Variants in MYO9B observed in about 807,000 individuals in gnomAD.
MYO9B encodes myosin IXB.
A neutral mutation model predicts 229.5 loss-of-function variants in MYO9B; 71 were observed. The observed-to-expected ratio is 0.31, with a 90% confidence interval of 0.26 to 0.38. The LOEUF (loss-of-function observed/expected upper bound fraction) is 0.38. Ranked by LOEUF, MYO9B falls within the 10% of genes least tolerant of loss-of-function variation. The pLI is 1.00. For synonymous variants in MYO9B, 1,185 were observed against 1,235.8 expected, an observed-to-expected ratio of 0.96 and a Z score of 0.86; for missense variants, 2,255 against 2,920.5, an observed-to-expected ratio of 0.77 and a Z score of 5.25.
intron 2 of MYO9B, among the ~76,000 whole-genome samples, chr19:17,114,630 T>TG (rs2057882920): frequency 6.6e-6 from 1 of 152,166 alleles, no homozygotes; most frequent in Non-Finnish European, 1.5e-5. Context: ...TGCTCCCTGC[T>TG]GGGGTTTTTT....
In MYO9B at chr19:17,168,130, C is replaced by T. The variant is rs537601378; in HGVS notation, c.1793+66C>T. On this transcript the variant is annotated intron_variant, in intron 11 of 39. Coordinates refer to ENST00000682292, the MANE Select transcript of MYO9B (RefSeq NM_004145.4). ...TGGGCACTGGGTCAGGTTCTGCAGCCCCCAGAGCCTTACCCCAAATCCAGA... is the reference window on the plus strand; with the variant it reads ...TGGGCACTGGGTCAGGTTCTGCAGCTCCCAGAGCCTTACCCCAAATCCAGA... 1.9e-3 allele frequency: 2,956 copies of T among 1,578,392 alleles called. 6 individuals carry two copies. The highest frequency in any genetic ancestry group is 2.4e-3 in the Non-Finnish European group (2,769 of 1,161,770).
At chr19:17,080,980 A>G (rs924178737) in intron 1 of MYO9B, among the ~76,000 whole-genome samples, 1 of 152,176 alleles carries the variant, frequency 6.6e-6, no homozygotes, top group Non-Finnish European at 1.5e-5. Flanking sequence ...AGCTCAGCCC[A>G]TAATACTGAG....
intron 1 of MYO9B, among the ~76,000 whole-genome samples, chr19:17,091,202 ATGTTTG>A (rs1321520789): frequency 2.6e-5 from 4 of 152,076 alleles, no homozygotes; most frequent in Non-Finnish European, 5.9e-5. Context: ...AGTTGCTTCC[ATGTTTG>A]GAAGCAGTTT....
At chr19:17,143,229 C>T (rs1368142236) in intron 2 of MYO9B, among the ~76,000 whole-genome samples, 2 of 128,124 alleles carry the variant, frequency 1.6e-5, no homozygotes, top group Non-Finnish European at 3.2e-5. Context: ...CAGAACAAGA[C>T]TCTGTTTCAA....
At position 17,086,499 on chromosome 19, in the gene MYO9B, C is replaced by T. The variant is rs145774021; in HGVS notation, c.-59+10625C>T. 1.1e-4 allele frequency among the ~76,000 whole-genome samples: 17 copies of T among 152,350 alleles called. No individual in the cohort carries two copies. The East Asian group carries it at 1.3e-3, about 12-fold the overall frequency. On this transcript the variant is annotated intron_variant, in intron 1 of 39. Coordinates refer to ENST00000682292, the MANE Select transcript of MYO9B (RefSeq NM_004145.4). ...GCCAATTATTTTTTGCTGTGGGGGC[C>T]GTGCTGTGCACTGTGGGACACTGAG...
intron 3 of MYO9B, among the ~76,000 whole-genome samples, chr19:17,152,412 C>T (rs1292330170): frequency 6.6e-6 from 1 of 150,618 alleles, no homozygotes. Context: ...CAAAAATTAG[C>T]TGGGTGGGGG....
At chr19:17,119,663 G>GT (rs2057942352) in intron 2 of MYO9B, among the ~76,000 whole-genome samples, 1 of 152,010 alleles carries the variant, frequency 6.6e-6, no homozygotes, top group African/African-American at 2.4e-5. Context: ...TTTTGTTTTT[G>GT]TTTTTTGACA....
intron 24 of MYO9B, among the ~76,000 whole-genome samples, chr19:17,198,952 A>G (rs2073077133): frequency 6.6e-6 from 1 of 151,982 alleles, no homozygotes; most frequent in Non-Finnish European, 1.5e-5. Flanking sequence ...TGTAATCTCA[A>G]CACTTTGGGA....
At chr19:17,185,256 C>T (rs1250949844) in intron 17 of MYO9B, among the ~76,000 whole-genome samples, 1 of 151,500 alleles carries the variant, frequency 6.6e-6, no homozygotes, top group East Asian at 1.9e-4. Flanking sequence ...TGCCTGTAGT[C>T]CCAGCTACTC....
In MYO9B at chr19:17,193,082, G is replaced by A. The variant is rs1186024558; in HGVS notation, c.3128+20G>A. The A allele has an allele frequency of 7.7e-6, 11 of 1,430,848 alleles. No individual in the cohort carries two copies. Among genetic ancestry groups the A allele is most frequent in the Middle Eastern group, 1.8e-4 (1 of 5,520 alleles). The allele number at this position is 1,430,848 out of a possible 1,614,324, so 88.6% of individuals were successfully genotyped here. The stretch of plus-strand genomic sequence containing the variant: ...CAAGAGGTGAGCAGAGCCGGGCCAC[G>A]CTCCTCGGAATATTCCAGAAGCCAA... On this transcript the variant is annotated intron_variant, in intron 21 of 39. Transcript: ENST00000682292. The surrounding 1 kb of genome is among the most constrained non-coding windows in gnomAD (Gnocchi z 4.3).
chr19:17,187,616 C>T (rs1258443306), intron 18 of MYO9B, among the ~76,000 whole-genome samples: 4 of 148,924 alleles, frequency 2.7e-5, no homozygotes, highest in Admixed American at 2.0e-4. Flanking sequence ...GATGGAGTCT[C>T]ACTATGTTGC....
At chr19:17,134,797 T>G (rs1294609487) in intron 2 of MYO9B, among the ~76,000 whole-genome samples, 1 of 152,154 alleles carries the variant, frequency 6.6e-6, no homozygotes, top group Non-Finnish European at 1.5e-5. Flanking sequence ...GGAGTCTTGC[T>G]TTGTTGCTCA....
chr19:17,204,310 G>A (rs1188856347), intron 30 of MYO9B, among the ~76,000 whole-genome samples: 1 of 150,472 alleles, frequency 6.6e-6, no homozygotes, highest in East Asian at 2.1e-4. Flanking sequence ...TTTGCCCCGT[G>A]ACATCTTCGT....
At position 17,209,726 on chromosome 19, in the gene MYO9B, G is replaced by A. The variant is rs749822478; in HGVS notation, c.5748+17G>A. On this transcript the variant is annotated intron_variant, in intron 36 of 39. Coordinates refer to ENST00000682292, the MANE Select transcript of MYO9B (RefSeq NM_004145.4). ...CAAAATGCTGTGAGTACCGGTGATC[G>A]TGGGGGCGGGACCTCTTTGGTGGGG... The A allele has an allele frequency of 1.2e-6, 2 of 1,612,928 alleles. No individual in the cohort carries two copies. Among genetic ancestry groups the A allele is most frequent in the Non-Finnish European group, 1.7e-6 (2 of 1,179,408 alleles).
At position 17,101,721 on chromosome 19, in the gene MYO9B, A is replaced by C. The variant is rs1339309084; in HGVS notation, c.4A>C (p.Ser2Arg). M[S>R]VKEAGSSGRR... ...CTGAAGCCAGGCGGCCGGCAGGATG[A>C]GTGTGAAAGAGGCAGGCAGCTCGGG... The change falls in exon 2 of 40, where the codon AGT becomes CGT. Residue 2 changes from serine to arginine, a missense_variant. By Grantham distance (110) the Ser-to-Arg change is moderately radical. Around this residue, in one of 7 missense-constraint regions of MYO9B, gnomAD observed 386 missense variants for 515.2 expected, o/e 0.75. Coordinates refer to ENST00000682292, the MANE Select transcript of MYO9B (RefSeq NM_004145.4). This position sits in a 1 kb window ranked among gnomAD's most constrained non-coding sequence, Gnocchi z 4.7. The C allele has an allele frequency of 1.3e-6, 2 of 1,571,380 alleles. No homozygotes were observed. Among genetic ancestry groups the C allele is most frequent in the Non-Finnish European group, 1.7e-6 (2 of 1,164,342 alleles).
chr19:17,199,723 T>C (rs2073086835), intron 24 of MYO9B, among the ~76,000 whole-genome samples: 1 of 146,272 alleles, frequency 6.8e-6, no homozygotes, highest in South Asian at 2.1e-4. Context: ...TTTGTATTTT[T>C]GGTACAGAAG....
At position 17,211,932 on chromosome 19, in the gene MYO9B, C is replaced by A; in HGVS notation, c.6096C>A (p.Pro2032=). Residue 2032 remains proline, a synonymous_variant, in exon 40 of 40, where the codon CCC becomes CCA. Coordinates refer to ENST00000682292, the MANE Select transcript of MYO9B (RefSeq NM_004145.4). The stretch of plus-strand genomic sequence containing the variant: ...CTGCTCTCCCTTGCCCCGGCGCGCC[C>A]ACCCCGAGCCCCCTCCCCACCGTGG... The part of the protein sequence containing the change: ...PAPALPCPGA[P]TPSPLPTVAA... The A allele has an allele frequency of 6.5e-7, 1 of 1,546,360 alleles. No homozygotes were observed. Among genetic ancestry groups the A allele is most frequent in the Non-Finnish European group, 8.7e-7 (1 of 1,143,334 alleles).
At chr19:17,153,596 C>T (rs184211961) in intron 4 of MYO9B, among the ~76,000 whole-genome samples, 12 of 150,932 alleles carry the variant, frequency 8.0e-5, no homozygotes, top group East Asian at 3.9e-4. Context: ...CTCAGGAGGC[C>T]GAGCTGGGAG....
Position 17,185,947 on chromosome 19 carries a change from A to C in MYO9B, c.2523A>C (p.Ala841=). Residue 841 remains alanine, a synonymous_variant, in exon 18 of 40, where the codon GCA becomes GCC. Transcript: ENST00000682292. ...FQTSLNKLLE[A]LGKAEPFFIR... ...CATCCCTTAACAAGCTCTTGGAGGCACTGGGGAAGGCGGAGCCCTTCTTTA... is the reference window on the plus strand; with the variant it reads ...CATCCCTTAACAAGCTCTTGGAGGCCCTGGGGAAGGCGGAGCCCTTCTTTA... 2 of 1,613,974 alleles carry C rather than the reference A, an allele frequency of 1.2e-6. No individual in the cohort carries two copies. The highest frequency in any genetic ancestry group is 1.7e-6 in the Non-Finnish European group (2 of 1,179,846).
Sources: gnomAD v4.1 joint callset for allele counts (sites outside exome capture counted in the v4.1 genomes callset) on GRCh38, gnomAD v4.1.1 for gene constraint, gnomAD v4.1.1 regional missense constraint, Gnocchi (gnomAD v3.1) non-coding constraint, MANE v1.5 for transcripts, NCBI Gene and HGNC (gene_info 2026-07-23, HGNC 2026-07-21) for gene names.